The following LGALS8 variants were observed in gnomAD, a reference collection of about 807,000 sequenced individuals.
LGALS8 encodes galectin 8.
Under a neutral mutation model 35.9 loss-of-function variants are expected in LGALS8, and 30 were observed. The ratio of observed to expected loss-of-function variants is 0.83; its 90% CI spans 0.62 to 1.13. The LOEUF (loss-of-function observed/expected upper bound fraction) is 1.13, where lower values mean the gene tolerates loss of function less well. Among genes scored for constraint, LGALS8 ranks in the 50% most tolerant of loss-of-function variants. The pLI is 0.00. For synonymous variants in LGALS8, 138 were observed against 136.1 expected, an observed-to-expected ratio of 1.01 and a Z score of -0.10; for missense variants, 366 against 388.7, an observed-to-expected ratio of 0.94 and a Z score of 0.49.
chr1:236,545,039 T>C (rs1662279361), intron 9 of LGALS8, 124 bp downstream of exon 9: 2 of 714,930 alleles, frequency 2.8e-6, no homozygotes, highest in Non-Finnish European at 4.4e-6. Context: ...TTTTGTTTAC[T>C]TGGAGATTGT....
intron 2 of LGALS8, among the ~76,000 whole-genome samples, chr1:236,537,075 G>A (rs1348932732): frequency 6.8e-6 from 1 of 146,382 alleles, no homozygotes; most frequent in East Asian, 2.0e-4. Context: ...GGAGCATAGT[G>A]GCGCGATCTC....
In LGALS8 at chr1:236,549,086, A is replaced by G. The variant is rs1019153833; in HGVS notation, c.*925A>G. 2 of 398,298 alleles carry G rather than the reference A, an allele frequency of 5.0e-6. No homozygotes were observed. The highest frequency in any genetic ancestry group is 4.4e-6 in the Non-Finnish European group (1 of 225,900). The allele number at this position is 398,298 out of a possible 1,614,324, so 24.7% of individuals were successfully genotyped here. ...ATTCATAAGGCAGGCACTATCAGAA[A>G]GTGTACGCCAACTAAGGGACCCACA... On this transcript the variant is annotated 3_prime_UTR_variant, in exon 10 of 10. Coordinates refer to ENST00000366584, the MANE Select transcript of LGALS8 (RefSeq NM_201544.4).
At chr1:236,543,151 G>A (rs905726221) in intron 7 of LGALS8, 2 of 988,476 alleles carry the variant, frequency 2.0e-6, no homozygotes, top group Admixed American at 1.9e-5. Flanking sequence ...CTCTGCATTT[G>A]TGTGCCGTCC....
At chr1:236,532,847 G>GAAAAACA (rs57642625) in intron 2 of LGALS8, among the ~76,000 whole-genome samples, 4,849 of 151,026 alleles carry the variant, frequency 0.032, 85 homozygotes, top group Middle Eastern at 0.052. Context: ...TCCATCTCAA[G>GAAAAACA]AAAAACAAAA....
At chr1:236,546,650 C>T (rs1263979068) in intron 9 of LGALS8, among the ~76,000 whole-genome samples, 5 of 152,210 alleles carry the variant, frequency 3.3e-5, no homozygotes, top group South Asian at 2.1e-4. Flanking sequence ...TCTGCTCACC[C>T]GGAAGCATGT....
upstream of LGALS8, among the ~76,000 whole-genome samples, chr1:236,522,587 T>C (rs1204348182): frequency 6.6e-6 from 1 of 152,190 alleles, no homozygotes; most frequent in Non-Finnish European, 1.5e-5. Flanking sequence ...TGTGAAGATA[T>C]TCAATTGCTC....
chr1:236,523,174 G>C (rs962811050), upstream of LGALS8: 1 of 152,078 alleles, frequency 6.6e-6, no homozygotes, highest in African/African-American at 2.4e-5. Flanking sequence ...CTGAGAAGTC[G>C]GGTATTTAAG....
rs1662121170 is a variant in LGALS8 at position 236,543,119 on chromosome 1, AAT to A, written c.549+334_549+335del. 47 of 1,349,346 alleles carry A rather than the reference AAT, an allele frequency of 3.5e-5. 1 individual carries two copies. In the South Asian group the frequency reaches 4.8e-4, roughly 14 times the overall value. The allele number at this position is 1,349,346 out of a possible 1,614,324, so 83.6% of individuals were successfully genotyped here. On this transcript the variant is annotated intron_variant, in intron 7 of 9. Transcript: ENST00000366584. ...GCTGTTACGAGTAACCTGTATCCAC[AAT>A]AGAGGCCCAAAGCAGCCCCCTCTGC...
chr1:236,533,579 C>T (rs1260589118), intron 2 of LGALS8, among the ~76,000 whole-genome samples: 1 of 152,016 alleles, frequency 6.6e-6, no homozygotes, highest in African/African-American at 2.4e-5. Flanking sequence ...AGTGATCTGC[C>T]CACCTTCGCC....
At chr1:236,522,310 A>G (rs1350020803), upstream of LGALS8, among the ~76,000 whole-genome samples, 1 of 152,210 alleles carries the variant, frequency 6.6e-6, no homozygotes, top group East Asian at 1.9e-4. Context: ...AAGAAGTACA[A>G]GGTTGACTCA....
At chr1:236,523,590 C>T (rs1358388192), upstream of LGALS8, 1 of 162,098 alleles carries the variant, frequency 6.2e-6, no homozygotes, top group Non-Finnish European at 1.4e-5. Flanking sequence ...CCCCGAGCGC[C>T]CTCCCTCCTA....
chr1:236,535,622 A>G (rs1661440855), intron 2 of LGALS8, among the ~76,000 whole-genome samples: 1 of 152,218 alleles, frequency 6.6e-6, no homozygotes, highest in African/African-American at 2.4e-5. Flanking sequence ...CAAAAGATCA[A>G]TGTAGGGATG....
rs759095517 is a variant in LGALS8, at chr1:236,526,755, G to A, written c.45+640G>A. On this transcript the variant is annotated intron_variant, in intron 2 of 9. Coordinates refer to ENST00000366584, the MANE Select transcript of LGALS8 (RefSeq NM_201544.4). The surrounding 1 kb of genome is among the most constrained non-coding windows in gnomAD (Gnocchi z 4.6). ...CGTATCTGAAGCTGAATCCTGAATC[G>A]AGGTCTGAAAAAGGACAGCCACTTT... Among the ~76,000 whole-genome samples, 4 of 152,142 alleles carry A rather than the reference G, an allele frequency of 2.6e-5. No individual in the cohort carries two copies. Among genetic ancestry groups the A allele is most frequent in the Non-Finnish European group, 5.9e-5 (4 of 68,028 alleles).
At chr1:236,528,275 G>C (rs1660932618) in intron 2 of LGALS8, among the ~76,000 whole-genome samples, 1 of 151,390 alleles carries the variant, frequency 6.6e-6, no homozygotes, top group African/African-American at 2.4e-5. Context: ...CCAGCTACTC[G>C]GGAGGCTGAG....
In LGALS8 at chr1:236,548,296, G is replaced by T. The variant is rs1223957644; in HGVS notation, c.*135G>T. 2.5e-6 allele frequency: 2 copies of T among 795,116 alleles called. No homozygotes were observed. Among genetic ancestry groups the T allele is most frequent in the East Asian group, 5.4e-5 (2 of 36,986 alleles). The allele number at this position is 795,116 out of a possible 1,614,324, so 49.3% of individuals were successfully genotyped here. A position where few individuals can be genotyped will look rare whatever the true frequency, so the allele number is the denominator to read the frequency against. The stretch of plus-strand genomic sequence containing the variant: ...CTTGTGCACCATTAGGTCCTGCTGG[G>T]TGTTCTCAGTCCTTGCCATGAAGTA... On this transcript the variant is annotated 3_prime_UTR_variant, in exon 10 of 10. Coordinates refer to ENST00000366584, the MANE Select transcript of LGALS8 (RefSeq NM_201544.4).
intron 3 of LGALS8, among the ~76,000 whole-genome samples, chr1:236,538,561 C>A (rs1416443825): frequency 1.3e-5 from 2 of 152,220 alleles, no homozygotes; most frequent in African/African-American, 4.8e-5. Context: ...AAGGCAGTTT[C>A]CAGTAGCCTT....
At chr1:236,520,362 T>C (rs1660516118), upstream of LGALS8, among the ~76,000 whole-genome samples, 3 of 140,080 alleles carry the variant, frequency 2.1e-5, no homozygotes. Flanking sequence ...AAGTCACCAA[T>C]GTAGTATCTT....
At chr1:236,540,306 G>C in intron 4 of LGALS8, 2 of 369,806 alleles carry the variant, frequency 5.4e-6, no homozygotes, top group South Asian at 1.8e-4. Flanking sequence ...ACAAGCACAC[G>C]CACATATACT....
chr1:236,529,348 G>A (rs1480416085), intron 2 of LGALS8, among the ~76,000 whole-genome samples: 7 of 151,912 alleles, frequency 4.6e-5, no homozygotes, highest in African/African-American at 1.5e-4. Flanking sequence ...TTGGGAAGCC[G>A]AGGCGAGAGG....
Sources: gnomAD v4.1 joint callset for allele counts (sites outside exome capture counted in the v4.1 genomes callset) on GRCh38, gnomAD v4.1.1 for gene constraint, Gnocchi (gnomAD v3.1) non-coding constraint, MANE v1.5 for transcripts, NCBI Gene and HGNC (gene_info 2026-07-23, HGNC 2026-07-21) for gene names.